PMFBP1: variants seen among roughly 807,000 people sequenced by gnomAD.
The protein encoded by PMFBP1 is polyamine-modulated factor 1-binding protein 1.
In PMFBP1, 131 loss-of-function variants were observed where a neutral mutation model predicts 137.8. The observed-to-expected ratio is 0.95, with a 90% CI of 0.82 to 1.10. The LOEUF is 1.10. Ranked by LOEUF, PMFBP1 falls within the 50% of genes least tolerant of loss-of-function variation. PMFBP1 has a pLI of 0.00. For missense variants in PMFBP1, 1,199 were observed against 1,175.4 expected (o/e 1.02, Z -0.29); for synonymous variants, 490 against 450.4 (o/e 1.09, Z -1.11).
chr16:72,164,446 C>T, intron 3 of PMFBP1: 1 of 1,359,318 alleles, frequency 7.4e-7, no homozygotes, highest in Non-Finnish European at 9.7e-7. Context: ...AGACGCTGCT[C>T]CCCTTGTATC....
chr16:72,211,167 T>C, the PMFBP1 span, among the ~76,000 whole-genome samples: 2 of 152,302 alleles, frequency 1.3e-5, no homozygotes, highest in Admixed American at 6.5e-5. Flanking sequence ...TTAGGTCTTA[T>C]GAAACAAACT....
intron 4 of PMFBP1, among the ~76,000 whole-genome samples, chr16:72,153,014 A>G (rs1189280520): frequency 6.6e-6 from 1 of 152,170 alleles, no homozygotes; most frequent in Non-Finnish European, 1.5e-5. Context: ...CCTGTCTCTG[A>G]CCTTTTTAAA....
At chr16:72,161,732 T>C (rs192677104) in intron 3 of PMFBP1, among the ~76,000 whole-genome samples, 1 of 152,310 alleles carries the variant, frequency 6.6e-6, no homozygotes, top group Admixed American at 6.5e-5. Context: ...GAACTATACT[T>C]TATTGGATTT....
At chr16:72,201,289 G>T in the PMFBP1 span, among the ~76,000 whole-genome samples, 1 of 152,196 alleles carries the variant, frequency 6.6e-6, no homozygotes, top group African/African-American at 2.4e-5. Context: ...ATTTTATGCT[G>T]AACAATTATC....
chr16:72,228,761 T>G, the PMFBP1 span, among the ~76,000 whole-genome samples: 2 of 152,188 alleles, frequency 1.3e-5, no homozygotes, highest in African/African-American at 2.4e-5. Context: ...TAGGCTTCTT[T>G]TCTTTCTTGT....
At chr16:72,238,916 C>A in the PMFBP1 span, among the ~76,000 whole-genome samples, 1 of 151,962 alleles carries the variant, frequency 6.6e-6, no homozygotes, top group African/African-American at 2.4e-5. Context: ...TGCTAAACAT[C>A]CTAAAATGCA....
the PMFBP1 span, among the ~76,000 whole-genome samples, chr16:72,233,669 C>G: frequency 6.6e-6 from 1 of 152,130 alleles, no homozygotes; most frequent in African/African-American, 2.4e-5. Context: ...TAACTATCAC[C>G]ACTATCTGAC....
At chr16:72,169,730 C>A (rs750694868) in intron 2 of PMFBP1, among the ~76,000 whole-genome samples, 1 of 151,968 alleles carries the variant, frequency 6.6e-6, no homozygotes, top group Admixed American at 6.6e-5. Flanking sequence ...TCTGAGAGAT[C>A]CCCTTATCAG....
At chr16:72,130,013 A>G (rs1388920209) in intron 12 of PMFBP1, among the ~76,000 whole-genome samples, 200 bp downstream of exon 12, 1 of 148,564 alleles carries the variant, frequency 6.7e-6, no homozygotes, top group African/African-American at 2.6e-5. Flanking sequence ...TGCCCTGATA[A>G]TGTTTGTATT....
At chr16:72,167,114 G>A (rs530533048) in intron 2 of PMFBP1, among the ~76,000 whole-genome samples, 303 of 152,288 alleles carry the variant, frequency 2.0e-3, no homozygotes, top group South Asian at 4.8e-3. Flanking sequence ...TATGGACATC[G>A]TAAATCAAAC....
At chr16:72,210,996 C>G in the PMFBP1 span, among the ~76,000 whole-genome samples, 2 of 152,158 alleles carry the variant, frequency 1.3e-5, no homozygotes, top group Non-Finnish European at 1.5e-5. Flanking sequence ...TAGGTAAGTT[C>G]TTTAACAGTT....
intron 10 of PMFBP1, among the ~76,000 whole-genome samples, chr16:72,131,622 GTC>G (rs1450138265): frequency 6.6e-6 from 1 of 152,118 alleles, no homozygotes; most frequent in Non-Finnish European, 1.5e-5. Flanking sequence ...GGGGAGGAGA[GTC>G]TCTAGATGAC....
the PMFBP1 span, among the ~76,000 whole-genome samples, chr16:72,222,258 C>A: frequency 3.9e-5 from 6 of 152,128 alleles, no homozygotes; most frequent in Admixed American, 3.9e-4. Flanking sequence ...AGGCACTCAC[C>A]ACCATGCCTG....
chr16:72,221,519 A>T, the PMFBP1 span, among the ~76,000 whole-genome samples: 2 of 152,192 alleles, frequency 1.3e-5, no homozygotes, highest in Admixed American at 1.3e-4. Context: ...TTTAGGATAC[A>T]AAATGGAAAC....
At chr16:72,241,877 A>C in the PMFBP1 span, among the ~76,000 whole-genome samples, 2 of 152,210 alleles carry the variant, frequency 1.3e-5, no homozygotes, top group African/African-American at 4.8e-5. Context: ...TGTTTTAACT[A>C]AGACATTTCC....
In PMFBP1 at chr16:72,140,389, A is replaced by T. The variant is rs1403575514; in HGVS notation, c.807+23T>A. ...TCTTGATTGAGGGTCTCCCAGAGACATGTTCTAGAAGAAGGCACTTACCAA... is the reference window on the plus strand; with the variant it reads ...TCTTGATTGAGGGTCTCCCAGAGACTTGTTCTAGAAGAAGGCACTTACCAA... On this transcript the variant is annotated intron_variant, in intron 6 of 20. Coordinates refer to ENST00000237353, the MANE Select transcript of PMFBP1 (RefSeq NM_031293.3). The T allele has an allele frequency of 1.9e-6, 3 of 1,593,886 alleles. No individual in the cohort carries two copies. The East Asian group carries it at 6.7e-5, about 36-fold the overall frequency.
chr16:72,119,338 C>G lies in PMFBP1; in HGVS notation c.3024G>C (p.Ter1008TyrextTer27). ...TGCTGCTCAGGGCTAGATGTGGATT[C>G]TAGCAGTATGAGGAACCTGAGGGAA... ...MPHCPGSSYC* is the reference protein window; with the variant it reads ...MPHCPGSSYCY The change falls in exon 21 of 21, where the codon TAG (stop) becomes TAC (tyrosine). Residue 1008 changes from the stop codon to tyrosine, a stop_lost. Transcript: ENST00000237353. 1 of 1,614,128 alleles carries G rather than the reference C, an allele frequency of 6.2e-7. No individual in the cohort carries two copies. Among genetic ancestry groups the G allele is most frequent in the Admixed American group, 1.7e-5 (1 of 60,028 alleles).
At chr16:72,164,477 G>A in intron 3 of PMFBP1, 1 of 1,414,018 alleles carries the variant, frequency 7.1e-7, no homozygotes, top group Non-Finnish European at 9.4e-7. Flanking sequence ...GATATTTTCA[G>A]GGCAATGAGC....
chr16:72,163,809 A>T (rs928586706), intron 3 of PMFBP1, among the ~76,000 whole-genome samples: 2 of 152,100 alleles, frequency 1.3e-5, no homozygotes, highest in Admixed American at 1.3e-4. Flanking sequence ...TTCCAAGTGA[A>T]GTAACTCAGG....
Sources: allele counts gnomAD v4.1 joint callset (sites outside exome capture counted in the v4.1 genomes callset), GRCh38; gene constraint gnomAD v4.1.1; transcripts MANE v1.5; gene names NCBI Gene and HGNC (gene_info 2026-07-23, HGNC 2026-07-21).